Variants in SLC5A11 observed in about 807,000 individuals in gnomAD.
SLC5A11 encodes the protein sodium/myo-inositol cotransporter 2.
In SLC5A11, 48 loss-of-function variants were observed where a neutral mutation model predicts 69.8. That is an observed-to-expected ratio of 0.69 (90% CI 0.55 to 0.87). The LOEUF is 0.87. SLC5A11 is among the 40% of genes least tolerant of loss of function. SLC5A11 has a pLI of 0.00. For synonymous variants in SLC5A11, 319 were observed against 342.4 expected (o/e 0.93, Z 0.75); for missense variants, 784 against 866.1 (o/e 0.91, Z 1.19).
intron 1 of SLC5A11, among the ~76,000 whole-genome samples, chr16:24,855,119 C>T (rs1314746137): frequency 6.6e-6 from 1 of 152,090 alleles, no homozygotes; most frequent in Non-Finnish European, 1.5e-5. Context: ...CTGGAGCCAC[C>T]ACACCTGGCC....
chr16:24,872,179 T>C, exon 5 of SLC5A11: 2 of 1,614,202 alleles, frequency 1.2e-6, no homozygotes, highest in African/African-American at 1.3e-5. Flanking sequence ...TCTGTGCTGA[T>C]GTTGGCCTGG....
intron 9 of SLC5A11, among the ~76,000 whole-genome samples, chr16:24,891,558 A>AG (rs1159600915): frequency 6.6e-6 from 1 of 152,046 alleles, no homozygotes; most frequent in African/African-American, 2.4e-5. Context: ...TCCTGAGTTC[A>AG]AGTGATCCTC....
At chr16:24,896,278 G>T (rs1185939992) in intron 9 of SLC5A11, among the ~76,000 whole-genome samples, 1 of 151,874 alleles carries the variant, frequency 6.6e-6, no homozygotes, top group Admixed American at 6.6e-5. Context: ...TGAGGCCAGG[G>T]GTTCAAGACC....
chr16:24,850,669 A>G (rs1257229300), intron 1 of SLC5A11, among the ~76,000 whole-genome samples: 1 of 152,078 alleles, frequency 6.6e-6, no homozygotes, highest in Non-Finnish European at 1.5e-5. Context: ...ATTTACTAGC[A>G]GTGTGGCCTT....
intron 13 of SLC5A11, 76 bp from the exon 15 acceptor site, chr16:24,908,805 C>T (rs1353405607): frequency 7.0e-7 from 1 of 1,427,596 alleles, no homozygotes; most frequent in Non-Finnish European, 9.6e-7. Context: ...AAGACAAGTC[C>T]TGGAGATGGC....
chr16:24,873,826 A>ATTTTT (rs59598384), intron 5 of SLC5A11, among the ~76,000 whole-genome samples: 1 of 138,172 alleles, frequency 7.2e-6, no homozygotes, highest in African/African-American at 2.7e-5. Flanking sequence ...AACTGGAGTA[A>ATTTTT]TTTTTTTTTT....
intron 2 of SLC5A11, among the ~76,000 whole-genome samples, chr16:24,861,690 A>G (rs1443475744): frequency 2.1e-5 from 3 of 146,118 alleles, no homozygotes; most frequent in Admixed American, 1.4e-4. Flanking sequence ...GGGAGGGAGG[A>G]AGGAAGGGAG....
chr16:24,909,829 TAAAAAAAA>T (rs3050359), intron 14 of SLC5A11, among the ~76,000 whole-genome samples: 2 of 103,916 alleles, frequency 1.9e-5, no homozygotes, highest in Non-Finnish European at 3.6e-5. Flanking sequence ...AGCCTGTCTT[TAAAAAAAA>T]AAAAAAAAAA....
chr16:24,870,799 A>AAAT (rs1555523229), intron 4 of SLC5A11, among the ~76,000 whole-genome samples: 2 of 151,424 alleles, frequency 1.3e-5, no homozygotes, highest in African/African-American at 4.9e-5. Context: ...AAAAAAAAAA[A>AAAT]AAAAAGGGTG....
chr16:24,899,411 A>AT lies in SLC5A11; in HGVS notation c.1006+1315dup, dbSNP rs112784645. Among the ~76,000 whole-genome samples, 318 of 144,264 alleles carry AT rather than the reference A, an allele frequency of 2.2e-3. 2 individuals carry two copies. The highest frequency in any genetic ancestry group is 0.015 in the Middle Eastern group (4 of 272). 94.6% of individuals were successfully genotyped at this position (144,264 alleles called of 152,430 possible). On this transcript the variant is annotated intron_variant, in intron 10 of 15. Transcript: ENST00000347898. ...TTTGGCCCAGTGAAATCCTTTTTGG[A>AT]TTTTTTTTTTTTTGACAGAGTCTCA...
chr16:24,901,238 C>T (rs1472628310), intron 10 of SLC5A11, among the ~76,000 whole-genome samples: 1 of 152,112 alleles, frequency 6.6e-6, no homozygotes, highest in African/African-American at 2.4e-5. Flanking sequence ...CATGTATTAC[C>T]TCATTTCATC....
At chr16:24,868,755 T>C (rs1256599551) in intron 3 of SLC5A11, among the ~76,000 whole-genome samples, 1 of 152,014 alleles carries the variant, frequency 6.6e-6, no homozygotes, top group Non-Finnish European at 1.5e-5. Context: ...GGAGGTAAAA[T>C]GGCTCTTTCA....
intron 7 of SLC5A11, among the ~76,000 whole-genome samples, chr16:24,879,277 G>A (rs1324521350): frequency 2.0e-5 from 3 of 151,912 alleles, no homozygotes; most frequent in East Asian, 1.9e-4. Flanking sequence ...ATTGCATGAT[G>A]CTGAGGTCTG....
intron 14 of SLC5A11, among the ~76,000 whole-genome samples, chr16:24,909,520 A>G (rs182059946): frequency 1.5e-4 from 23 of 151,910 alleles, no homozygotes; most frequent in Non-Finnish European, 8.8e-5. Context: ...CATGCCTGTA[A>G]TCTCAGTTAC....
chr16:24,856,597 C>CAAAAAAAAAA (rs35867622), intron 1 of SLC5A11, among the ~76,000 whole-genome samples: 9 of 88,818 alleles, frequency 1.0e-4, no homozygotes, highest in African/African-American at 1.3e-4. Context: ...ACTAAAAATA[C>CAAAAAAAAAA]AAAAAAAAAA....
At chr16:24,876,877 A>G (rs193016339) in intron 6 of SLC5A11, 2 of 158,182 alleles carry the variant, frequency 1.3e-5, no homozygotes, top group East Asian at 3.8e-4. Context: ...GGGAGTACGA[A>G]GTGAGTATTT....
At chr16:24,898,638 C>T (rs1232698746) in intron 10 of SLC5A11, among the ~76,000 whole-genome samples, 1 of 152,050 alleles carries the variant, frequency 6.6e-6, no homozygotes, top group Admixed American at 6.6e-5. Flanking sequence ...CCTGCCTCAG[C>T]CTCCTGAGTA....
chr16:24,868,238 C>G (rs899165064), intron 3 of SLC5A11, among the ~76,000 whole-genome samples: 1 of 150,458 alleles, frequency 6.6e-6, no homozygotes, highest in African/African-American at 2.4e-5. Flanking sequence ...ACGATAAACT[C>G]TTCCAAACAT....
intron 3 of SLC5A11, among the ~76,000 whole-genome samples, chr16:24,864,190 C>G (rs1220764953): frequency 6.6e-6 from 1 of 152,168 alleles, no homozygotes; most frequent in Non-Finnish European, 1.5e-5. Flanking sequence ...TAGGCCCACA[C>G]ACATGCTTAG....
Sources: allele counts gnomAD v4.1 joint callset (sites outside exome capture counted in the v4.1 genomes callset), GRCh38; gene constraint gnomAD v4.1.1; transcripts MANE v1.5; gene names NCBI Gene and HGNC (gene_info 2026-07-23, HGNC 2026-07-21).